Variants in TENM3 observed in about 807,000 individuals in gnomAD.
TENM3 encodes the protein teneurin transmembrane protein 3.
In TENM3, 63 loss-of-function variants were observed where a neutral mutation model predicts 255.1. The observed-to-expected ratio is 0.25, with a 90% CI of 0.20 to 0.30. The LOEUF (loss-of-function observed/expected upper bound fraction) is 0.30, where lower values mean the gene tolerates loss of function less well. Among genes scored for constraint, TENM3 ranks in the 10% least tolerant of loss-of-function variants. The pLI, the probability that TENM3 is intolerant of heterozygous loss-of-function variation, is 1.00. For synonymous variants in TENM3, 1,306 were observed against 1,322.3 expected (o/e 0.99, Z 0.27); for missense variants, 2,929 against 3,461.1 (o/e 0.85, Z 3.86).
intron 22 of TENM3, among the ~76,000 whole-genome samples, chr4:182,757,448 G>A (rs1035955462): frequency 2.3e-4 from 35 of 151,898 alleles, no homozygotes; most frequent in Non-Finnish European, 4.7e-4. Flanking sequence ...CCTGCTCTCC[G>A]GGCCATTTTT....
At chr4:182,397,398 T>TAAAAAAAAAAAAAA (rs144177808) in intron 3 of TENM3, among the ~76,000 whole-genome samples, 4 of 48,976 alleles carry the variant, frequency 8.2e-5, no homozygotes, top group Non-Finnish European at 1.5e-4. Context: ...AGACTCCATC[T>TAAAAAAAAAAAAAA]AAAAAAAAAA....
chr4:182,071,993 C>T, the TENM3 span, among the ~76,000 whole-genome samples: 4 of 152,156 alleles, frequency 2.6e-5, no homozygotes, highest in African/African-American at 9.7e-5. Context: ...TATGCCAACA[C>T]ATTGCGGAGA....
chr4:182,246,345 G>GCCCCCCCCCCC (rs142338490), intron 1 of TENM3, among the ~76,000 whole-genome samples: 6 of 149,566 alleles, frequency 4.0e-5, no homozygotes, highest in Admixed American at 6.8e-5. Context: ...TTCGCTATGA[G>GCCCCCCCCCCC]CCCCCACCCC....
chr4:182,112,403 G>A, the TENM3 span, among the ~76,000 whole-genome samples: 43 of 152,220 alleles, frequency 2.8e-4, no homozygotes, highest in East Asian at 8.1e-3. Context: ...AGGTTCTTCA[G>A]ATGAAGGAGA....
At chr4:182,152,028 T>G (rs1459913231) in intron 1 of TENM3, among the ~76,000 whole-genome samples, 5 of 152,032 alleles carry the variant, frequency 3.3e-5, no homozygotes, top group Non-Finnish European at 7.4e-5. Flanking sequence ...GTTGACACAA[T>G]GAAAATAACT....
the TENM3 span, among the ~76,000 whole-genome samples, chr4:182,118,596 T>G: frequency 1.9e-5 from 1 of 53,514 alleles, no homozygotes; most frequent in Non-Finnish European, 4.6e-5. Flanking sequence ...CCCCTCCACC[T>G]TTTTTTGTAG....
the TENM3 span, among the ~76,000 whole-genome samples, chr4:181,871,070 G>T: frequency 6.6e-6 from 1 of 151,776 alleles, no homozygotes; most frequent in Non-Finnish European, 1.5e-5. Flanking sequence ...AACGTTGATG[G>T]GTCATATGTG....
chr4:182,452,302 A>G (rs1773526485), intron 3 of TENM3, among the ~76,000 whole-genome samples: 1 of 110,764 alleles, frequency 9.0e-6, no homozygotes, highest in South Asian at 3.1e-4. Flanking sequence ...TAGGAGCAGA[A>G]GTTTTCTTTT....
At chr4:182,517,004 A>T (rs955288669) in intron 3 of TENM3, among the ~76,000 whole-genome samples, 2 of 152,164 alleles carry the variant, frequency 1.3e-5, no homozygotes, top group South Asian at 2.1e-4. Context: ...TGTATTTCAT[A>T]TAAGAAAAAA....
At position 182,711,930 on chromosome 4, in the gene TENM3, A is replaced by G. The variant is rs540664705; in HGVS notation, c.2222-2157A>G. 1.2e-4 allele frequency among the ~76,000 whole-genome samples: 18 copies of G among 152,182 alleles called. 1 individual carries two copies. Among genetic ancestry groups the G allele is most frequent in the African/African-American group, 3.6e-4 (15 of 41,554 alleles). On this transcript the variant is annotated intron_variant, in intron 12 of 27. Coordinates refer to ENST00000511685, the MANE Select transcript of TENM3 (RefSeq NM_001080477.4). ...TTTTTTAAGATCTTCACTGTTGGCA[A>G]TTCAGCTTAATGAGCTTTAAATTCT... is the stretch of plus-strand genomic sequence containing the variant.
intron 3 of TENM3, among the ~76,000 whole-genome samples, chr4:182,541,463 A>C (rs756875768): frequency 5.3e-5 from 8 of 152,194 alleles, no homozygotes; most frequent in Non-Finnish European, 1.2e-4. Flanking sequence ...GATTGTCTTA[A>C]AATTATAGGG....
At chr4:182,268,796 G>A (rs570245418) in intron 1 of TENM3, among the ~76,000 whole-genome samples, 3 of 152,218 alleles carry the variant, frequency 2.0e-5, no homozygotes, top group African/African-American at 4.8e-5. Context: ...AAAAGGGGAG[G>A]CATTAATAAT....
intron 3 of TENM3, among the ~76,000 whole-genome samples, chr4:182,495,906 G>A (rs1468940138): frequency 3.3e-5 from 5 of 152,066 alleles, no homozygotes; most frequent in South Asian, 2.1e-4. Context: ...CTGCTTAAAC[G>A]TCTAAATGAG....
At chr4:181,790,422 C>A in the TENM3 span, among the ~76,000 whole-genome samples, 1 of 152,106 alleles carries the variant, frequency 6.6e-6, no homozygotes, top group African/African-American at 2.4e-5. Context: ...TTTTTAAAAG[C>A]GAACTCTAAC....
intron 5 of TENM3, among the ~76,000 whole-genome samples, chr4:182,633,285 C>A (rs1751553087): frequency 6.6e-6 from 1 of 152,156 alleles, no homozygotes; most frequent in Admixed American, 6.5e-5. Flanking sequence ...AATGGTTTTT[C>A]AGTAACTATT....
At chr4:181,634,402 T>A in the TENM3 span, among the ~76,000 whole-genome samples, 3 of 103,016 alleles carry the variant, frequency 2.9e-5, no homozygotes, top group Non-Finnish European at 6.5e-5. Flanking sequence ...TTTTTTTTTT[T>A]TGCAAGAGAC....
chr4:182,014,503 A>T, the TENM3 span, among the ~76,000 whole-genome samples: 1 of 152,198 alleles, frequency 6.6e-6, no homozygotes, highest in East Asian at 1.9e-4. Context: ...TCTAGAATGT[A>T]TTATTAAAAT....
At chr4:182,687,194 C>G (rs1756647364) in intron 11 of TENM3, among the ~76,000 whole-genome samples, 1 of 152,048 alleles carries the variant, frequency 6.6e-6, no homozygotes, top group South Asian at 2.1e-4. Flanking sequence ...TTTTATTGTT[C>G]AGTGCTTTAT....
rs1208191704 is a variant in TENM3, at chr4:182,416,846, C to T, written c.511+69917C>T. Among the ~76,000 whole-genome samples, 4 of 152,176 alleles carry T rather than the reference C, an allele frequency of 2.6e-5. No individual in the cohort carries two copies. In the South Asian group the frequency reaches 8.3e-4, roughly 32 times the overall value. On this transcript the variant is annotated intron_variant, in intron 3 of 27. Coordinates refer to ENST00000511685, the MANE Select transcript of TENM3 (RefSeq NM_001080477.4). ...CAGAGTGCTTTAGAAAACAAACCAT[C>T]GGAGAGGCACACGTTGTCTGCATCA...
Sources: allele counts gnomAD v4.1 joint callset (sites outside exome capture counted in the v4.1 genomes callset), GRCh38; gene constraint gnomAD v4.1.1; transcripts MANE v1.5; gene names NCBI Gene and HGNC (gene_info 2026-07-23, HGNC 2026-07-21).